The following ARHGAP25 variants were observed in gnomAD, a reference collection of about 807,000 sequenced individuals.
ARHGAP25 encodes the protein rho GTPase-activating protein 25.
Under a neutral mutation model 71.0 loss-of-function variants are expected in ARHGAP25, and 34 were observed. The ratio of observed to expected loss-of-function variants is 0.48; its 90% CI spans 0.36 to 0.64. The LOEUF (loss-of-function observed/expected upper bound fraction) is 0.64. Among genes scored for constraint, ARHGAP25 ranks in the 30% least tolerant of loss-of-function variants. ARHGAP25 has a pLI of 0.00. For missense variants in ARHGAP25, 706 were observed against 805.1 expected (o/e 0.88, Z 1.49); for synonymous variants, 282 against 296.5 (o/e 0.95, Z 0.50).
At chr2:68,818,845 T>C (rs981025477) in intron 8 of ARHGAP25, among the ~76,000 whole-genome samples, 4 of 152,254 alleles carry the variant, frequency 2.6e-5, no homozygotes, top group South Asian at 2.1e-4. Flanking sequence ...TGCTGTTTTA[T>C]TGCCTACTTT....
At chr2:68,770,056 G>A (rs1470261363) in intron 1 of ARHGAP25, among the ~76,000 whole-genome samples, 1 of 152,196 alleles carries the variant, frequency 6.6e-6, no homozygotes, top group Admixed American at 6.5e-5. Context: ...TGAATATAAG[G>A]AACAGGCAGC....
At chr2:68,770,643 G>A (rs1035853403) in intron 1 of ARHGAP25, among the ~76,000 whole-genome samples, 1 of 152,142 alleles carries the variant, frequency 6.6e-6, no homozygotes, top group African/African-American at 2.4e-5. Flanking sequence ...ACATCCCTAG[G>A]CATGTGGCAC....
intron 2 of ARHGAP25, among the ~76,000 whole-genome samples, chr2:68,728,010 A>C (rs544438463): frequency 6.6e-6 from 1 of 152,360 alleles, no homozygotes; most frequent in East Asian, 1.9e-4. Context: ...TCTGCTGGAA[A>C]TTTGAAATGA....
chr2:68,805,022 T>G (rs1378683778), intron 4 of ARHGAP25, among the ~76,000 whole-genome samples: 1 of 151,818 alleles, frequency 6.6e-6, no homozygotes, highest in Non-Finnish European at 1.5e-5. Flanking sequence ...GTGCACAGAG[T>G]AGGATGTAGT....
chr2:68,775,506 G>C, intron 2 of ARHGAP25, 86 bp downstream of exon 2: 1 of 1,594,022 alleles, frequency 6.3e-7, no homozygotes, highest in Non-Finnish European at 8.6e-7. Flanking sequence ...ACTCACAGGG[G>C]CCTTCTCAAT....
intron 1 of ARHGAP25, among the ~76,000 whole-genome samples, chr2:68,747,365 C>A (rs1675897438): frequency 6.6e-6 from 1 of 152,026 alleles, no homozygotes; most frequent in South Asian, 2.1e-4. Flanking sequence ...AATGTGGGGT[C>A]CCTTGATCAA....
intron 1 of ARHGAP25, among the ~76,000 whole-genome samples, chr2:68,752,515 C>T (rs933169017): frequency 4.6e-5 from 7 of 152,108 alleles, no homozygotes; most frequent in African/African-American, 9.7e-5. Flanking sequence ...TTTCTAAGGG[C>T]TCCTGACCCA....
chr2:68,775,044 G>C lies in ARHGAP25; in HGVS notation c.62-177G>C, dbSNP rs1454292880. 7 of 1,517,440 alleles carry C rather than the reference G, an allele frequency of 4.6e-6. No individual in the cohort carries two copies. The East Asian group carries it at 1.6e-4, about 34-fold the overall frequency. The allele number at this position is 1,517,440 out of a possible 1,614,324, so 94.0% of individuals were successfully genotyped here. Reference sequence around the variant, plus strand: ...GCCCTGACCGGGAGCTGGCCCCTCGGCTGCTTCTCTGGCTCGGGGGGGACT... The same window carrying C: ...GCCCTGACCGGGAGCTGGCCCCTCGCCTGCTTCTCTGGCTCGGGGGGGACT... On this transcript the variant is annotated intron_variant, in intron 1 of 10. Coordinates refer to ENST00000409202, the MANE Select transcript of ARHGAP25 (RefSeq NM_001007231.3).
intron 2 of ARHGAP25, among the ~76,000 whole-genome samples, chr2:68,726,296 G>T (rs570342500): frequency 6.6e-6 from 1 of 152,306 alleles, no homozygotes; most frequent in African/African-American, 2.4e-5. Flanking sequence ...AAATATATGA[G>T]ATTGTTCTTG....
chr2:68,780,905 C>G (rs1678285908), intron 2 of ARHGAP25, among the ~76,000 whole-genome samples: 1 of 152,198 alleles, frequency 6.6e-6, no homozygotes, highest in Non-Finnish European at 1.5e-5. Context: ...TTACTCAACT[C>G]AGAATCAGGC....
chr2:68,792,499 A>T (rs2104411911), intron 4 of ARHGAP25, among the ~76,000 whole-genome samples: 1 of 152,322 alleles, frequency 6.6e-6, no homozygotes, highest in Middle Eastern at 3.4e-3. Context: ...TATAAGTCAG[A>T]ACATGTGATA....
intron 5 of ARHGAP25, among the ~76,000 whole-genome samples, chr2:68,808,997 G>A (rs981596722): frequency 1.3e-5 from 2 of 152,302 alleles, no homozygotes; most frequent in Non-Finnish European, 1.5e-5. Flanking sequence ...CCAGAAATAG[G>A]AAAGGTCATC....
intron 4 of ARHGAP25, among the ~76,000 whole-genome samples, chr2:68,791,878 CA>C (rs542631828): frequency 2.6e-5 from 4 of 152,256 alleles, no homozygotes; most frequent in Non-Finnish European, 5.9e-5. Context: ...CTTTAGAGGG[CA>C]GCACATTGGT....
intron 2 of ARHGAP25, among the ~76,000 whole-genome samples, chr2:68,723,765 C>T (rs1004218276): frequency 6.6e-6 from 1 of 152,158 alleles, no homozygotes; most frequent in African/African-American, 2.4e-5. Context: ...CAACCAGGCC[C>T]TTCAGGGTGG....
intron 5 of ARHGAP25, among the ~76,000 whole-genome samples, chr2:68,808,210 C>T (rs1395971420): frequency 2.6e-5 from 4 of 152,174 alleles, no homozygotes; most frequent in Admixed American, 6.5e-5. Flanking sequence ...CAGTTGCCTG[C>T]GTGAACTTGT....
chr2:68,786,482 A>T lies in ARHGAP25; in HGVS notation c.350-1358A>T, dbSNP rs112502358. ...TTCAGTTCTATTATCTATAAAATGG[A>T]AATAATACTAACTCCTTATTCTATT... is the stretch of plus-strand genomic sequence containing the variant. On this transcript the variant is annotated intron_variant, in intron 3 of 10. Transcript: ENST00000409202. Among the ~76,000 whole-genome samples the T allele has an allele frequency of 5.8e-3, 887 of 152,330 alleles. 12 individuals are homozygous for T. The highest frequency in any genetic ancestry group is 0.02 in the African/African-American group (844 of 41,568).
chr2:68,799,580 A>AT (rs1431390295), intron 4 of ARHGAP25, among the ~76,000 whole-genome samples: 1 of 151,942 alleles, frequency 6.6e-6, no homozygotes, highest in African/African-American at 2.4e-5. Flanking sequence ...CCCGCGTGGG[A>AT]TTTTTTTTAA....
chr2:68,798,062 G>A lies in ARHGAP25; in HGVS notation c.467-9211G>A, dbSNP rs563900873. 4.4e-4 allele frequency among the ~76,000 whole-genome samples: 67 copies of A among 152,234 alleles called. 1 individual carries two copies. Among genetic ancestry groups the A allele is most frequent in the East Asian group, 1.2e-3 (6 of 5,180 alleles). The stretch of plus-strand genomic sequence containing the variant: ...GCACACTTGCTTGGTTTCTCTAAGC[G>A]GATGAGATTACTGGAAATGCTTGTA... On this transcript the variant is annotated intron_variant, in intron 4 of 10. Transcript: ENST00000409202.
At chr2:68,819,446 G>T (rs1406006719) in intron 9 of ARHGAP25, 127 bp downstream of exon 9, 1 of 919,444 alleles carries the variant, frequency 1.1e-6, no homozygotes, top group Non-Finnish European at 1.8e-6. Context: ...GGGCGCTGCT[G>T]CTACAGACTC....
Sources: gnomAD v4.1 joint callset for allele counts (sites outside exome capture counted in the v4.1 genomes callset) on GRCh38, gnomAD v4.1.1 for gene constraint, MANE v1.5 for transcripts, NCBI Gene and HGNC (gene_info 2026-07-23, HGNC 2026-07-21) for gene names.